Variants in SPATA13 observed in about 807,000 individuals in gnomAD.
The protein encoded by SPATA13 is spermatogenesis-associated protein 13.
In SPATA13, 50 loss-of-function variants were observed where a neutral mutation model predicts 104.0. The ratio of observed to expected loss-of-function variants is 0.48; its 90% CI spans 0.38 to 0.61. SPATA13 has a LOEUF of 0.61. Ranked by LOEUF, SPATA13 falls within the 20% of genes least tolerant of loss-of-function variation. The pLI, the probability that SPATA13 is intolerant of heterozygous loss-of-function variation, is 0.00. For synonymous variants in SPATA13, 606 were observed against 667.5 expected, an observed-to-expected ratio of 0.91 and a Z score of 1.42; for missense variants, 1,524 against 1,690.6, an observed-to-expected ratio of 0.90 and a Z score of 1.73.
At chr13:24,061,157 T>G (rs1020053402) in intron 3 of SPATA13, among the ~76,000 whole-genome samples, 1 of 152,106 alleles carries the variant, frequency 6.6e-6, no homozygotes, top group Non-Finnish European at 1.5e-5. Context: ...AAATGCAAAT[T>G]AAAACCACAG....
At position 24,306,220 on chromosome 13, in the gene SPATA13, A is replaced by G. The variant is rs1877567491; in HGVS notation, c.*3447A>G. 6.6e-6 allele frequency: 1 copy of G among 152,230 alleles called. No homozygotes were observed. Among genetic ancestry groups the G allele is most frequent in the African/African-American group, 2.4e-5 (1 of 41,448 alleles). The allele number at this position is 152,230 out of a possible 1,614,324, so 9.4% of individuals were successfully genotyped here. ...GCATTTAATTCAAAATTTGGTTCAC[A>G]ATATAAGTATTTTGTAAAAGCCAGC... On this transcript the variant is annotated 3_prime_UTR_variant, in exon 13 of 13. Transcript: ENST00000382108.
At chr13:24,083,409 G>A (rs76595688) in intron 3 of SPATA13, among the ~76,000 whole-genome samples, 1 of 152,216 alleles carries the variant, frequency 6.6e-6, no homozygotes, top group Non-Finnish European at 1.5e-5. Context: ...CAAGTCAGCA[G>A]AGTCAAGGAG....
intron 4 of SPATA13, among the ~76,000 whole-genome samples, chr13:24,265,146 G>T (rs1322608460): frequency 6.6e-6 from 1 of 152,204 alleles, no homozygotes; most frequent in East Asian, 1.9e-4. Flanking sequence ...TCCATTTCCT[G>T]AGCTGTGTAT....
Position 24,223,006 on chromosome 13 carries a change from G to T in SPATA13, c.77G>T (p.Gly26Val). 6.4e-7 allele frequency: 1 copy of T among 1,551,262 alleles called. No individual in the cohort carries two copies. The highest frequency in any genetic ancestry group is 8.7e-7 in the Non-Finnish European group (1 of 1,146,686). ...MTTAPNGLGP[G>V]PAAPCAGSDL... ...ACTGCCCCAAACGGCCTCGGGCCAG[G>T]CCCCGCAGCCCCCTGTGCAGGCTCG... is the stretch of plus-strand genomic sequence containing the variant. Residue 26 changes from glycine (G) to valine (V), a missense_variant, in exon 2 of 13, where the codon GGC becomes GTC. By Grantham distance (109) the Gly-to-Val change is moderately radical. Transcript: ENST00000382108.
chr13:24,301,884 T>TTC (rs1487420241), intron 12 of SPATA13, among the ~76,000 whole-genome samples: 1 of 152,248 alleles, frequency 6.6e-6, no homozygotes, highest in Non-Finnish European at 1.5e-5. Context: ...AGCACTTTAC[T>TTC]TCTATTAATT....
At chr13:24,180,758 A>G (rs1309638289) in intron 1 of SPATA13, among the ~76,000 whole-genome samples, 1 of 152,198 alleles carries the variant, frequency 6.6e-6, no homozygotes, top group Non-Finnish European at 1.5e-5. Flanking sequence ...GATAGTTTTC[A>G]TAATTTTTTT....
intron 3 of SPATA13, among the ~76,000 whole-genome samples, chr13:24,106,789 G>A (rs1880468342): frequency 6.6e-6 from 1 of 152,134 alleles, no homozygotes; most frequent in South Asian, 2.1e-4. Context: ...CAAAAGACAC[G>A]TGAATAATAG....
At position 24,161,864 on chromosome 13, in the gene SPATA13, ACCTTCGG is replaced by A. The variant is rs1882510783; in HGVS notation, c.-112+933_-112+939del. On this transcript the variant is annotated intron_variant, in intron 1 of 12. Transcript: ENST00000382108. The surrounding 1 kb of genome is among the most constrained non-coding windows in gnomAD (Gnocchi z 4.5). The stretch of plus-strand genomic sequence containing the variant: ...CCCTGCCAGCATTTTCTCTGTCCCC[ACCTTCGG>A]TTTTTGCTGCCTCGTGTTTTCTTCT... Among the ~76,000 whole-genome samples the A allele has an allele frequency of 1.3e-5, 2 of 151,874 alleles. No individual in the cohort carries two copies. Among genetic ancestry groups the A allele is most frequent in the African/African-American group, 4.8e-5 (2 of 41,352 alleles).
At chr13:24,196,734 A>G (rs9507273) in intron 1 of SPATA13, among the ~76,000 whole-genome samples, 66,455 of 151,652 alleles carry the variant, frequency 0.44, 16,326 homozygotes, top group Non-Finnish European at 0.56. Flanking sequence ...GTGAGACCCT[A>G]TGTCAAAACA....
intron 3 of SPATA13, among the ~76,000 whole-genome samples, chr13:24,119,078 T>A (rs780618784): frequency 6.6e-6 from 1 of 152,066 alleles, no homozygotes; most frequent in South Asian, 2.1e-4. Flanking sequence ...GCTAATTTTT[T>A]TTGTATTTTT....
chr13:24,297,640 T>G lies in SPATA13; in HGVS notation c.3488T>G (p.Val1163Gly), dbSNP rs1305562720. ...CTCGTCAGTAGGACCACAGACGAGGTTTATTTGTTTTGTGCCAAAAAACAA... is the reference window on the plus strand; with the variant it reads ...CTCGTCAGTAGGACCACAGACGAGGGTTATTTGTTTTGTGCCAAAAAACAA... ...FKLVSRTTDEVYLFCAKKQED... is the reference protein window; with the variant it reads ...FKLVSRTTDEGYLFCAKKQED... Residue 1163 changes from valine to glycine, a missense_variant, in exon 11 of 13, where the codon GTT becomes GGT. This residue lies in a region of SPATA13 where 435 missense variants were observed against 554.8 expected (regional missense o/e 0.78). Coordinates refer to ENST00000382108, the MANE Select transcript of SPATA13 (RefSeq NM_001166271.3). 15 of 1,613,992 alleles carry G rather than the reference T, an allele frequency of 9.3e-6. No individual in the cohort carries two copies. The highest frequency in any genetic ancestry group is 1.3e-5 in the Non-Finnish European group (15 of 1,180,038).
intron 5 of SPATA13, among the ~76,000 whole-genome samples, chr13:24,284,979 G>A (rs1223302365): frequency 6.6e-6 from 1 of 152,118 alleles, no homozygotes; most frequent in Non-Finnish European, 1.5e-5. Context: ...TCCAAATCTG[G>A]TGTTCCTTTG....
Position 24,223,396 on chromosome 13 carries a change from C to A in SPATA13, c.467C>A (p.Ala156Asp). ...ATCCCAAATGGCGCTGTCCCAGGAG[C>A]CCAGGCAAGCAGGGGCTCCCCCTTA... ...KSIPNGAVPG[A>D]QASRGSPLAP... The change falls in exon 2 of 13, where the codon GCC (alanine) becomes GAC (aspartate). Residue 156 changes from alanine to aspartate, a missense_variant. Ala to Asp is a moderately radical substitution (Grantham distance 126). Transcript: ENST00000382108. The A allele has an allele frequency of 6.4e-7, 1 of 1,551,264 alleles. No homozygotes were observed. The highest frequency in any genetic ancestry group is 8.7e-7 in the Non-Finnish European group (1 of 1,146,960).
rs10129076 is a variant in SPATA13, at chr13:24,292,424, G to A, written c.3080+1540G>A. Among the ~76,000 whole-genome samples the A allele has an allele frequency of 9.0e-3, 1,372 of 152,314 alleles. 21 individuals carry two copies. Among genetic ancestry groups the A allele is most frequent in the African/African-American group, 0.031 (1,302 of 41,570 alleles). Reference sequence around the variant, plus strand: ...CCAAGCCAGGCTACCCAGGGGCGCAGGGGTCTAGGCTAAAGCTGACTCTTT... The same window carrying A: ...CCAAGCCAGGCTACCCAGGGGCGCAAGGGTCTAGGCTAAAGCTGACTCTTT... On this transcript the variant is annotated intron_variant, in intron 9 of 12. Coordinates refer to ENST00000382108, the MANE Select transcript of SPATA13 (RefSeq NM_001166271.3).
chr13:24,167,084 T>C (rs990630137), intron 1 of SPATA13, among the ~76,000 whole-genome samples: 1 of 152,198 alleles, frequency 6.6e-6, no homozygotes, highest in African/African-American at 2.4e-5. Context: ...GTATGACCTA[T>C]GTGTTGAAAT....
At chr13:24,170,385 C>T (rs546207820) in intron 1 of SPATA13, among the ~76,000 whole-genome samples, 1 of 152,310 alleles carries the variant, frequency 6.6e-6, no homozygotes, top group South Asian at 2.1e-4. Context: ...TGTTGATGTC[C>T]TACCATAGGA....
rs1483061251 is a variant in SPATA13, at chr13:24,289,026, A to G, written c.2695A>G (p.Thr899Ala). The G allele has an allele frequency of 6.2e-7, 1 of 1,612,132 alleles. No homozygotes were observed. Among genetic ancestry groups the G allele is most frequent in the East Asian group, 2.2e-5 (1 of 44,848 alleles). ...EGYIRQCRKHTGMFTVAQLAT... is the reference protein window; with the variant it reads ...EGYIRQCRKHAGMFTVAQLAT... ...CTATATCCGACAGTGCCGCAAGCAC[A>G]CAGGAATGTTCACCGTTGCGCAGCT... The change falls in exon 8 of 13, where the codon ACA becomes GCA. Residue 899 changes from threonine (T) to alanine (A), a missense_variant. Physicochemically the swap from Thr to Ala is moderately conservative, Grantham distance 58. Around this residue, in one of 2 missense-constraint regions of SPATA13, gnomAD observed 435 missense variants for 554.8 expected, o/e 0.78. Coordinates refer to ENST00000382108, the MANE Select transcript of SPATA13 (RefSeq NM_001166271.3).
chr13:24,284,181 C>T lies in SPATA13; in HGVS notation c.2211C>T (p.Asn737=), dbSNP rs367888214. Residue 737 remains asparagine, a synonymous_variant, in exon 5 of 13, where the codon AAC becomes AAT. Coordinates refer to ENST00000382108, the MANE Select transcript of SPATA13 (RefSeq NM_001166271.3). ...GTEPSALVDD[N]GSEEDFSYED... ...AGCCCTCTGCCTTAGTGGATGACAA[C>T]GGTAGTGAGGAGGACTTCAGCTATG... is the stretch of plus-strand genomic sequence containing the variant. 28 of 1,613,806 alleles carry T rather than the reference C, an allele frequency of 1.7e-5. No homozygotes were observed. The highest frequency in any genetic ancestry group is 1.2e-4 in the African/African-American group (9 of 75,014).
At chr13:24,197,504 G>A (rs536956693) in intron 1 of SPATA13, among the ~76,000 whole-genome samples, 1 of 152,310 alleles carries the variant, frequency 6.6e-6, no homozygotes, top group East Asian at 1.9e-4. Flanking sequence ...TGCTAAATTA[G>A]ACAACACTGG....
Sources: gnomAD v4.1 joint callset for allele counts (sites outside exome capture counted in the v4.1 genomes callset) on GRCh38, gnomAD v4.1.1 for gene constraint, gnomAD v4.1.1 regional missense constraint, Gnocchi (gnomAD v3.1) non-coding constraint, MANE v1.5 for transcripts, NCBI Gene and HGNC (gene_info 2026-07-23, HGNC 2026-07-21) for gene names.